Variants in KRCC1 observed in about 807,000 individuals in gnomAD.
The protein encoded by KRCC1 is lysine rich coiled-coil 1, also known as lysine-rich coiled-coil protein 1.
Under a neutral mutation model 7.4 loss-of-function variants are expected in KRCC1, and 3 were observed. The ratio of observed to expected loss-of-function variants is 0.40; its 90% CI spans 0.18 to 1.04. The LOEUF is 1.04. Ranked by LOEUF, KRCC1 falls within the 50% of genes least tolerant of loss-of-function variation. The pLI is 0.33. For synonymous variants in KRCC1, 102 were observed against 101.6 expected (o/e 1.00, Z -0.02); for missense variants, 277 against 300.9 (o/e 0.92, Z 0.59).
intron 2 of KRCC1, among the ~76,000 whole-genome samples, chr2:88,036,497 T>G (rs969603941): frequency 6.6e-6 from 1 of 152,198 alleles, no homozygotes; most frequent in African/African-American, 2.4e-5. Context: ...TACCTTCCAA[T>G]GCTAGCATTC....
At position 88,028,503 on chromosome 2, in the gene KRCC1, C is replaced by T. The variant is rs1332644526; in HGVS notation, c.61G>A (p.Val21Ile). 3 of 1,613,316 alleles carry T rather than the reference C, an allele frequency of 1.9e-6. No homozygotes were observed. Among genetic ancestry groups the T allele is most frequent in the African/African-American group, 1.3e-5 (1 of 74,800 alleles). ...FQDELEDYIK[V>I]QKARGLEPKT... Reference sequence around the variant, plus strand: ...GGCTCTAAGCCTCTGGCTTTCTGTACTTTAATATAATCTTCAAGTTCATCT... The same window carrying T: ...GGCTCTAAGCCTCTGGCTTTCTGTATTTTAATATAATCTTCAAGTTCATCT... The change falls in exon 4 of 4, where the codon GTA becomes ATA. Residue 21 changes from valine to isoleucine, a missense_variant. Physicochemically the swap from Val to Ile is conservative, Grantham distance 29 (BLOSUM62 3). Coordinates refer to ENST00000347055, the MANE Select transcript of KRCC1 (RefSeq NM_016618.3).
chr2:88,042,863 G>A (rs189605450), intron 1 of KRCC1, among the ~76,000 whole-genome samples: 1 of 152,096 alleles, frequency 6.6e-6, no homozygotes, highest in African/African-American at 2.4e-5. Context: ...AATACCTATG[G>A]CATGCTACAA....
chr2:88,046,265 T>C (rs540148546), intron 1 of KRCC1, among the ~76,000 whole-genome samples: 11 of 152,344 alleles, frequency 7.2e-5, no homozygotes, highest in African/African-American at 2.6e-4. Flanking sequence ...TTAAGTTATG[T>C]AACCCTGGTC....
rs1000715275 is a variant in KRCC1 at position 88,039,458 on chromosome 2, G to A, written c.-290-2407C>T. Reference sequence around the variant, plus strand: ...TCCCAGCATTTTGGGAGGCAGAGGCGGGCGGATTACTTGAGCCCAGGAGTT... The same window carrying A: ...TCCCAGCATTTTGGGAGGCAGAGGCAGGCGGATTACTTGAGCCCAGGAGTT... On this transcript the variant is annotated intron_variant, in intron 1 of 3. Transcript: ENST00000347055. Among the ~76,000 whole-genome samples the A allele has an allele frequency of 3.9e-5, 6 of 152,192 alleles. No individual in the cohort carries two copies. In the East Asian group the frequency reaches 9.7e-4, roughly 25 times the overall value.
At chr2:88,028,722 G>A (rs1021372378) in intron 3 of KRCC1, 137 bp from the exon 4 acceptor site, 9 of 595,830 alleles carry the variant, frequency 1.5e-5, no homozygotes, top group Non-Finnish European at 2.6e-5. Context: ...TTGCTCTTGG[G>A]TCACTGCAAC....
chr2:88,043,464 G>A (rs1199718411), intron 1 of KRCC1, among the ~76,000 whole-genome samples: 1 of 152,142 alleles, frequency 6.6e-6, no homozygotes. Flanking sequence ...AAGAAATATG[G>A]TCCTGCAACA....
At chr2:88,052,980 G>A (rs1332089521) in intron 1 of KRCC1, among the ~76,000 whole-genome samples, 1 of 152,090 alleles carries the variant, frequency 6.6e-6, no homozygotes, top group African/African-American at 2.4e-5. Flanking sequence ...TGATTTTGAG[G>A]ATTTTAGACT....
At chr2:88,030,246 C>T (rs1672969039) in intron 3 of KRCC1, among the ~76,000 whole-genome samples, 1 of 148,404 alleles carries the variant, frequency 6.7e-6, no homozygotes, top group Non-Finnish European at 1.5e-5. Context: ...AGAAACAAGG[C>T]TTGTTTCTGC....
In KRCC1 at chr2:88,051,329, C is replaced by T. The variant is rs374283816; in HGVS notation, c.-291+4297G>A. Among the ~76,000 whole-genome samples the T allele has an allele frequency of 5.3e-5, 8 of 152,314 alleles. No individual in the cohort carries two copies. The East Asian group carries it at 1.2e-3, about 22-fold the overall frequency. On this transcript the variant is annotated intron_variant, in intron 1 of 3. Coordinates refer to ENST00000347055, the MANE Select transcript of KRCC1 (RefSeq NM_016618.3). The stretch of plus-strand genomic sequence containing the variant: ...AGGTGAAAATGGATTAGCAGATGCT[C>T]TTCAAATCAGTTTTAATGGTCCTAT...
intron 1 of KRCC1, among the ~76,000 whole-genome samples, chr2:88,048,937 T>C (rs953796569): frequency 1.3e-5 from 2 of 152,246 alleles, no homozygotes; most frequent in East Asian, 1.9e-4. Flanking sequence ...GAGAACTTAA[T>C]TGGGGTAACA....
chr2:88,041,955 C>A (rs766075783), intron 1 of KRCC1, among the ~76,000 whole-genome samples: 1 of 152,086 alleles, frequency 6.6e-6, no homozygotes, highest in South Asian at 2.1e-4. Context: ...ATCTCTCCCC[C>A]CCGATATTGG....
intron 3 of KRCC1, among the ~76,000 whole-genome samples, chr2:88,030,119 A>G (rs889812117): frequency 6.6e-6 from 1 of 151,024 alleles, no homozygotes; most frequent in African/African-American, 2.4e-5. Flanking sequence ...AAGTGCTGGG[A>G]TTACAGGTGT....
At chr2:88,042,108 T>C (rs1558834478) in intron 1 of KRCC1, among the ~76,000 whole-genome samples, 1 of 149,230 alleles carries the variant, frequency 6.7e-6, no homozygotes, top group South Asian at 2.1e-4. Context: ...TCCCCCAGAC[T>C]GGAGTGCAGT....
chr2:88,055,228 AC>A (rs1673591893), intron 1 of KRCC1, among the ~76,000 whole-genome samples: 1 of 151,466 alleles, frequency 6.6e-6, no homozygotes, highest in South Asian at 2.1e-4. Context: ...ACTTCACCAA[AC>A]GGAAGCTTAC....
Position 88,028,141 on chromosome 2 carries a change from G to C in KRCC1, c.423C>G (p.Ser141=). The change falls in exon 4 of 4, where the codon TCC becomes TCG. Residue 141 remains serine, a synonymous_variant. Transcript: ENST00000347055. ...GVEHRVYKHF[S]SDNSTSTHQA... ...GATGAGTACTGGTACTGTTATCTGA[G>C]GAGAAGTGCTTGTAAACTCTATGTT... The C allele has an allele frequency of 6.2e-7, 1 of 1,614,030 alleles. No homozygotes were observed. Among genetic ancestry groups the C allele is most frequent in the African/African-American group, 1.3e-5 (1 of 74,994 alleles).
intron 3 of KRCC1, among the ~76,000 whole-genome samples, chr2:88,031,488 G>A (rs1174175385): frequency 1.3e-5 from 2 of 152,106 alleles, no homozygotes; most frequent in African/African-American, 4.8e-5. Context: ...TGGGCATGGT[G>A]GCGCATGTCT....
At position 88,034,247 on chromosome 2, in the gene KRCC1, C is replaced by G. The variant is rs1326953704; in HGVS notation, c.-136G>C. ...AACTGGTGAGCTAAAAACCACAATTCAGAGATCAAAAATCAATTTTTGTCC... is the reference window on the plus strand; with the variant it reads ...AACTGGTGAGCTAAAAACCACAATTGAGAGATCAAAAATCAATTTTTGTCC... On this transcript the variant is annotated 5_prime_UTR_variant, in exon 3 of 4. Coordinates refer to ENST00000347055, the MANE Select transcript of KRCC1 (RefSeq NM_016618.3). 2 of 152,598 alleles carry G rather than the reference C, an allele frequency of 1.3e-5. No homozygotes were observed. The highest frequency in any genetic ancestry group is 3.9e-4 in the East Asian group (2 of 5,192). 9.5% of individuals were successfully genotyped at this position (152,598 alleles called of 1,614,324 possible).
At chr2:88,039,296 T>C (rs1673155476) in intron 1 of KRCC1, among the ~76,000 whole-genome samples, 1 of 152,212 alleles carries the variant, frequency 6.6e-6, no homozygotes, top group Non-Finnish European at 1.5e-5. Flanking sequence ...TTAATATTAA[T>C]GCCAGTGTAT....
intron 1 of KRCC1, among the ~76,000 whole-genome samples, chr2:88,050,488 T>A (rs1057485493): frequency 7.2e-5 from 11 of 152,156 alleles, no homozygotes; most frequent in Non-Finnish European, 1.3e-4. Flanking sequence ...CTGGGCATGG[T>A]GGTGCATGCC....
Sources: allele counts gnomAD v4.1 joint callset (sites outside exome capture counted in the v4.1 genomes callset), GRCh38; gene constraint gnomAD v4.1.1; transcripts MANE v1.5; gene names NCBI Gene and HGNC (gene_info 2026-07-23, HGNC 2026-07-21).